The following CACNA2D3 variants were observed in gnomAD, a reference collection of about 807,000 sequenced individuals.
CACNA2D3 encodes voltage-dependent calcium channel subunit alpha-2/delta-3.
A neutral mutation model predicts 160.6 loss-of-function variants in CACNA2D3; 60 were observed. The observed-to-expected ratio is 0.37, with a 90% CI of 0.30 to 0.46. CACNA2D3 has a LOEUF of 0.46. Ranked by LOEUF, CACNA2D3 falls within the 20% of genes least tolerant of loss-of-function variation. The probability of loss-of-function intolerance (pLI) is 1.00; values close to 1 mark genes in which losing one functional copy is unlikely to be tolerated. For missense variants in CACNA2D3, 1,205 were observed against 1,365.0 expected (o/e 0.88, Z 1.85); for synonymous variants, 558 against 492.9 (o/e 1.13, Z -1.75).
chr3:54,124,379 C>A (rs1021661942), intron 2 of CACNA2D3, among the ~76,000 whole-genome samples: 2 of 152,014 alleles, frequency 1.3e-5, no homozygotes, highest in Non-Finnish European at 2.9e-5. Context: ...AAAAATGGGT[C>A]TGGGAGGAGA....
chr3:54,151,820 C>T (rs772978402), intron 2 of CACNA2D3, among the ~76,000 whole-genome samples: 6 of 152,214 alleles, frequency 3.9e-5, no homozygotes, highest in Non-Finnish European at 7.3e-5. Context: ...TGGACTCCGT[C>T]TCCATTCCTC....
At chr3:54,762,665 C>G (rs544978484) in intron 12 of CACNA2D3, among the ~76,000 whole-genome samples, 2 of 152,170 alleles carry the variant, frequency 1.3e-5, no homozygotes, top group Non-Finnish European at 2.9e-5. Context: ...ATCTCCTAAC[C>G]CACAGCAAAG....
intron 3 of CACNA2D3, among the ~76,000 whole-genome samples, chr3:54,362,659 T>G (rs989707950): frequency 5.9e-5 from 9 of 152,294 alleles, no homozygotes; most frequent in Admixed American, 5.2e-4. Flanking sequence ...ACAAATCCAG[T>G]GCCGACAAAG....
intron 35 of CACNA2D3, among the ~76,000 whole-genome samples, chr3:55,027,155 C>A (rs1385948487): frequency 6.6e-6 from 1 of 152,154 alleles, no homozygotes; most frequent in African/African-American, 2.4e-5. Flanking sequence ...ATCCAAAAAT[C>A]TTTGTGAAGC....
chr3:54,900,521 A>G (rs1700303018), intron 27 of CACNA2D3, among the ~76,000 whole-genome samples: 2 of 152,192 alleles, frequency 1.3e-5, no homozygotes, highest in Admixed American at 6.5e-5. Context: ...GCAACTACCA[A>G]AAAGCCCTCT....
chr3:54,220,878 G>C (rs1701554778), intron 2 of CACNA2D3, among the ~76,000 whole-genome samples: 1 of 152,166 alleles, frequency 6.6e-6, no homozygotes, highest in Admixed American at 6.5e-5. Context: ...TTTATAGAGT[G>C]CGTGACTGAG....
chr3:54,485,064 C>A (rs1304399173), intron 4 of CACNA2D3, among the ~76,000 whole-genome samples: 2 of 152,026 alleles, frequency 1.3e-5, no homozygotes, highest in African/African-American at 4.8e-5. Flanking sequence ...CCAGGCTGGT[C>A]TCGATCTCCT....
chr3:54,124,620 G>T (rs1368324763), intron 2 of CACNA2D3, among the ~76,000 whole-genome samples: 6 of 152,156 alleles, frequency 3.9e-5, no homozygotes, highest in Admixed American at 2.0e-4. Context: ...TTTATTTATG[G>T]CATTCCCCTT....
At chr3:54,325,517 T>C (rs1270997048) in intron 3 of CACNA2D3, among the ~76,000 whole-genome samples, 1 of 152,192 alleles carries the variant, frequency 6.6e-6, no homozygotes, top group Non-Finnish European at 1.5e-5. Context: ...GAACCTCCTC[T>C]GGTCTTCTCA....
At chr3:54,330,413 C>T (rs1473573186) in intron 3 of CACNA2D3, among the ~76,000 whole-genome samples, 1 of 152,108 alleles carries the variant, frequency 6.6e-6, no homozygotes, top group Non-Finnish European at 1.5e-5. Flanking sequence ...AAAGCAGACT[C>T]CTCATCCAGG....
intron 17 of CACNA2D3, among the ~76,000 whole-genome samples, chr3:54,865,866 C>T (rs1172547711): frequency 6.6e-6 from 1 of 152,172 alleles, no homozygotes. Context: ...CCATTTGCTT[C>T]TTAGTGCAGC....
intron 4 of CACNA2D3, among the ~76,000 whole-genome samples, chr3:54,476,345 T>G (rs1024807716): frequency 6.6e-6 from 1 of 151,900 alleles, no homozygotes; most frequent in Non-Finnish European, 1.5e-5. Flanking sequence ...TCTTGGCCAC[T>G]GTGAATAATG....
At chr3:54,525,529 G>T (rs911365907) in intron 5 of CACNA2D3, among the ~76,000 whole-genome samples, 1 of 151,944 alleles carries the variant, frequency 6.6e-6, no homozygotes, top group African/African-American at 2.4e-5. Flanking sequence ...AATTCTCTCA[G>T]TTTTTCTTTA....
At chr3:54,259,325 C>G (rs1575350034) in intron 2 of CACNA2D3, among the ~76,000 whole-genome samples, 1 of 152,304 alleles carries the variant, frequency 6.6e-6, no homozygotes, top group East Asian at 1.9e-4. Flanking sequence ...TCAAGCAGAG[C>G]TGAGAGTTTT....
At chr3:54,697,508 C>G (rs1700686450) in intron 11 of CACNA2D3, among the ~76,000 whole-genome samples, 1 of 152,156 alleles carries the variant, frequency 6.6e-6, no homozygotes, top group Non-Finnish European at 1.5e-5. Flanking sequence ...AAATCCCTAT[C>G]TGACCATTTT....
At chr3:55,056,368 T>G (rs1206173408) in intron 35 of CACNA2D3, among the ~76,000 whole-genome samples, 1 of 152,190 alleles carries the variant, frequency 6.6e-6, no homozygotes, top group Admixed American at 6.5e-5. Context: ...GAATGTAAAT[T>G]AGTACAGCCA....
intron 4 of CACNA2D3, among the ~76,000 whole-genome samples, chr3:54,406,806 T>C (rs1699584939): frequency 6.6e-6 from 1 of 152,094 alleles, no homozygotes; most frequent in Non-Finnish European, 1.5e-5. Flanking sequence ...AGTGAGTAGA[T>C]AGATTATAGC....
intron 14 of CACNA2D3, among the ~76,000 whole-genome samples, chr3:54,826,416 A>C (rs1326340607): frequency 2.0e-5 from 3 of 152,200 alleles, no homozygotes; most frequent in Non-Finnish European, 4.4e-5. Context: ...CTTCAAATTA[A>C]CTAGAAGGAT....
chr3:54,822,802 T>C lies in CACNA2D3; in HGVS notation c.1398+5932T>C, dbSNP rs201376178. ...TCTTTCTTTCTTTCCTTTCTTTCTT[T>C]CTTTCTTTCTTTCTTTCTTTCTTTC... On this transcript the variant is annotated intron_variant, in intron 14 of 37. Transcript: ENST00000474759. Among the ~76,000 whole-genome samples the C allele has an allele frequency of 2.1e-3, 195 of 92,430 alleles. 4 individuals carry two copies. The highest frequency in any genetic ancestry group is 6.0e-3 in the African/African-American group (119 of 19,958). 60.6% of individuals were successfully genotyped at this position (92,430 alleles called of 152,430 possible). A position where few individuals can be genotyped will look rare whatever the true frequency, so the allele number is the denominator to read the frequency against.
Sources: gnomAD v4.1 joint callset for allele counts (sites outside exome capture counted in the v4.1 genomes callset) on GRCh38, gnomAD v4.1.1 for gene constraint, MANE v1.5 for transcripts, NCBI Gene and HGNC (gene_info 2026-07-23, HGNC 2026-07-21) for gene names.